The following FAM114A1 variants were observed in gnomAD, a reference collection of about 807,000 sequenced individuals.
The protein encoded by FAM114A1 is protein NOXP20.
Under a neutral mutation model 64.3 loss-of-function variants are expected in FAM114A1, and 62 were observed. The observed-to-expected ratio is 0.96, with a 90% CI of 0.79 to 1.19. FAM114A1 has a LOEUF of 1.19. Among genes scored for constraint, FAM114A1 ranks in the 50% most tolerant of loss-of-function variants. The pLI is 0.00. For missense variants in FAM114A1, 645 were observed against 676.3 expected, an observed-to-expected ratio of 0.95 and a Z score of 0.51; for synonymous variants, 254 against 251.1, an observed-to-expected ratio of 1.01 and a Z score of -0.11.
chr4:38,899,611 C>A (rs1717308394), intron 4 of FAM114A1, among the ~76,000 whole-genome samples: 1 of 152,100 alleles, frequency 6.6e-6, no homozygotes, highest in South Asian at 2.1e-4. Context: ...GGTAAATATG[C>A]TTTTATATTC....
chr4:38,890,755 A>T (rs1247670574), intron 3 of FAM114A1, among the ~76,000 whole-genome samples: 1 of 152,252 alleles, frequency 6.6e-6, no homozygotes, highest in African/African-American at 2.4e-5. Flanking sequence ...TCAGCCATTT[A>T]TTCAACAAAT....
intron 2 of FAM114A1, 65 bp from the exon 3 acceptor site, chr4:38,878,006 C>A: frequency 2.2e-6 from 3 of 1,354,270 alleles, no homozygotes; most frequent in South Asian, 1.4e-5. Flanking sequence ...TTTATTTATC[C>A]AGGGCTTTGA....
At chr4:38,914,145 G>T (rs1718817664) in intron 7 of FAM114A1, among the ~76,000 whole-genome samples, 1 of 152,028 alleles carries the variant, frequency 6.6e-6, no homozygotes, top group East Asian at 1.9e-4. Context: ...GAAAAAATCA[G>T]GCCAGCTTAT....
chr4:38,932,457 C>T, intron 12 of FAM114A1, 83 bp downstream of exon 12: 1 of 1,295,214 alleles, frequency 7.7e-7, no homozygotes, highest in South Asian at 1.6e-5. Context: ...CACCCACACC[C>T]TCTAAGCCAC....
chr4:38,911,808 A>G (rs532673078), intron 7 of FAM114A1, among the ~76,000 whole-genome samples: 2 of 128,628 alleles, frequency 1.6e-5, no homozygotes, highest in South Asian at 5.0e-4. Flanking sequence ...CACAGGGAAT[A>G]CTCTTTCTTT....
At chr4:38,903,196 C>T (rs1018765967) in intron 4 of FAM114A1, among the ~76,000 whole-genome samples, 21 of 152,102 alleles carry the variant, frequency 1.4e-4, no homozygotes, top group African/African-American at 3.9e-4. Flanking sequence ...CACATAAAAT[C>T]GTATTTCCTT....
intron 7 of FAM114A1, among the ~76,000 whole-genome samples, chr4:38,913,107 C>A (rs542081957): frequency 6.6e-6 from 1 of 152,286 alleles, no homozygotes; most frequent in African/African-American, 2.4e-5. Context: ...AGTTGTCTTC[C>A]CCTGTGACCT....
At chr4:38,920,035 C>G (rs533505929) in intron 8 of FAM114A1, among the ~76,000 whole-genome samples, 1 of 152,024 alleles carries the variant, frequency 6.6e-6, no homozygotes, top group South Asian at 2.1e-4. Context: ...ATGGCGAAAC[C>G]CTGTCTCTAC....
chr4:38,921,251 A>G (rs1719561080), intron 8 of FAM114A1, among the ~76,000 whole-genome samples: 1 of 152,178 alleles, frequency 6.6e-6, no homozygotes, highest in Admixed American at 6.5e-5. Context: ...TCTTCAGAGA[A>G]TGAGCGGCCA....
intron 8 of FAM114A1, among the ~76,000 whole-genome samples, chr4:38,920,515 G>A (rs1409542714): frequency 6.6e-6 from 1 of 152,208 alleles, no homozygotes; most frequent in Admixed American, 6.5e-5. Flanking sequence ...AGATGCTATA[G>A]TGGAAAGATG....
chr4:38,937,434 T>C (rs1346624131), intron 13 of FAM114A1, among the ~76,000 whole-genome samples: 1 of 152,182 alleles, frequency 6.6e-6, no homozygotes, highest in Non-Finnish European at 1.5e-5. Flanking sequence ...CTTCCCTCCA[T>C]GCATGTCTGT....
At chr4:38,873,126 G>A (rs921705535) in intron 2 of FAM114A1, among the ~76,000 whole-genome samples, 7 of 152,124 alleles carry the variant, frequency 4.6e-5, no homozygotes, top group African/African-American at 1.7e-4. Flanking sequence ...CTTGAACCTG[G>A]CTCCTTGACA....
At chr4:38,898,687 T>C (rs1318250826) in intron 4 of FAM114A1, among the ~76,000 whole-genome samples, 1 of 152,112 alleles carries the variant, frequency 6.6e-6, no homozygotes, top group Non-Finnish European at 1.5e-5. Flanking sequence ...TAAAGGGAAG[T>C]AAGCATCTGA....
intron 10 of FAM114A1, among the ~76,000 whole-genome samples, chr4:38,930,182 C>T (rs1260349338): frequency 1.3e-5 from 2 of 152,138 alleles, no homozygotes; most frequent in Non-Finnish European, 2.9e-5. Context: ...CTAATAATAC[C>T]ACAGTGTGTT....
chr4:38,881,707 T>C (rs1171236179), intron 3 of FAM114A1, among the ~76,000 whole-genome samples: 1 of 152,216 alleles, frequency 6.6e-6, no homozygotes, highest in Non-Finnish European at 1.5e-5. Context: ...GCTTATCCTT[T>C]TATTAGAAGT....
At chr4:38,908,827 T>C (rs1718273466) in intron 7 of FAM114A1, 101 bp downstream of exon 7, 2 of 1,188,188 alleles carry the variant, frequency 1.7e-6, no homozygotes, top group Non-Finnish European at 2.3e-6. Context: ...GTGATTCAAA[T>C]CAAATGACAC....
At chr4:38,902,087 G>A (rs990827409) in intron 4 of FAM114A1, among the ~76,000 whole-genome samples, 1 of 152,164 alleles carries the variant, frequency 6.6e-6, no homozygotes, top group Non-Finnish European at 1.5e-5. Flanking sequence ...ACATAACATA[G>A]TGATTACACA....
intron 8 of FAM114A1, among the ~76,000 whole-genome samples, 158 bp from the exon 9 acceptor site, chr4:38,922,612 A>G (rs569805818): frequency 3.3e-5 from 5 of 152,344 alleles, no homozygotes; most frequent in African/African-American, 9.6e-5. Flanking sequence ...AACTTGCACA[A>G]AGTTGCACAG....
At chr4:38,906,424 C>T (rs866395002) in intron 6 of FAM114A1, among the ~76,000 whole-genome samples, 3 of 152,118 alleles carry the variant, frequency 2.0e-5, no homozygotes, top group Non-Finnish European at 4.4e-5. Context: ...TTAGAAGAAG[C>T]TCCATATTAG....
Sources: allele counts gnomAD v4.1 joint callset (sites outside exome capture counted in the v4.1 genomes callset), GRCh38; gene constraint gnomAD v4.1.1; transcripts MANE v1.5; gene names NCBI Gene and HGNC (gene_info 2026-07-23, HGNC 2026-07-21).